The following SORBS2 variants were observed in gnomAD, a reference collection of about 807,000 sequenced individuals.
SORBS2 encodes the protein sorbin and SH3 domain-containing protein 2.
A neutral mutation model predicts 97.7 loss-of-function variants in SORBS2; 46 were observed. The observed-to-expected ratio is 0.47, with a 90% CI of 0.37 to 0.60. The LOEUF is 0.60. Among genes scored for constraint, SORBS2 ranks in the 20% least tolerant of loss-of-function variants. The probability of loss-of-function intolerance (pLI) is 0.00; values close to 1 mark genes in which losing one functional copy is unlikely to be tolerated. For synonymous variants in SORBS2, 476 were observed against 473.4 expected, an observed-to-expected ratio of 1.01 and a Z score of -0.07; for missense variants, 1,316 against 1,282.3, an observed-to-expected ratio of 1.03 and a Z score of -0.40.
At chr4:185,611,663 G>T in intron 12 of SORBS2, 117 bp downstream of exon 24, 1 of 763,360 alleles carries the variant, frequency 1.3e-6, no homozygotes, top group African/African-American at 1.7e-5. Flanking sequence ...AACATAATAT[G>T]TAAATCTCTT....
chr4:185,741,198 A>G (rs1331132206), intron 2 of SORBS2, among the ~76,000 whole-genome samples: 3 of 152,038 alleles, frequency 2.0e-5, no homozygotes, highest in Admixed American at 6.6e-5. Context: ...AACATAAGAC[A>G]GTAAAGAGGG....
intron 1 of SORBS2, among the ~76,000 whole-genome samples, chr4:185,804,157 C>T (rs933632737): frequency 2.6e-5 from 4 of 152,190 alleles, no homozygotes; most frequent in Non-Finnish European, 5.9e-5. Context: ...ACAAAAAACC[C>T]ATAACAAAAC....
rs1305077549 is a variant in SORBS2, at chr4:185,693,615, A to G, written c.-197-14793T>C. Reference sequence around the variant, plus strand: ...CGACTTCTTCATTCCTTTTGAAACCAGGCAACGCTGTGCTTACAACTGCTT... The same window carrying G: ...CGACTTCTTCATTCCTTTTGAAACCGGGCAACGCTGTGCTTACAACTGCTT... On this transcript the variant is annotated intron_variant, in intron 2 of 20. Coordinates refer to the SORBS2 transcript ENST00000284776. Among the ~76,000 whole-genome samples the G allele has an allele frequency of 3.3e-5, 5 of 152,228 alleles. No individual in the cohort carries two copies. In the South Asian group the frequency reaches 6.2e-4, roughly 19 times the overall value.
intron 13 of SORBS2, 147 bp downstream of exon 25, chr4:185,593,739 G>C (rs1241985444): frequency 1.3e-5 from 8 of 623,062 alleles, no homozygotes; most frequent in Non-Finnish European, 2.0e-5. Flanking sequence ...AAAAGATGGA[G>C]AGACTATTAC....
intron 1 of SORBS2, among the ~76,000 whole-genome samples, chr4:185,839,945 C>T (rs892150122): frequency 8.5e-5 from 13 of 152,148 alleles, no homozygotes; most frequent in African/African-American, 3.1e-4. Context: ...AGCATCCTGC[C>T]ATGTGCTTAC....
Position 185,724,889 on chromosome 4 carries a change from C to T in SORBS2, c.-197-46067G>A, listed in dbSNP as rs111474578. Among the ~76,000 whole-genome samples the T allele has an allele frequency of 3.7e-3, 570 of 152,286 alleles. 4 individuals are homozygous for T. Among genetic ancestry groups the T allele is most frequent in the African/African-American group, 0.012 (487 of 41,564 alleles). ...CTCAAAACACTTTCCTTGAGCAATGCTAAATACTAGTTTCCTTCACGTCTG... is the reference window on the plus strand; with the variant it reads ...CTCAAAACACTTTCCTTGAGCAATGTTAAATACTAGTTTCCTTCACGTCTG... On this transcript the variant is annotated intron_variant, in intron 2 of 20. Coordinates refer to the SORBS2 transcript ENST00000284776.
chr4:185,656,504 C>T (rs2097405441), intron 1 of SORBS2: 5 of 611,436 alleles, frequency 8.2e-6, no homozygotes, highest in African/African-American at 3.8e-5. Flanking sequence ...GTCTTGGCTG[C>T]CCAGGTCTGC....
chr4:185,812,720 C>T (rs1282847171), intron 1 of SORBS2, among the ~76,000 whole-genome samples: 2 of 152,158 alleles, frequency 1.3e-5, no homozygotes, highest in Non-Finnish European at 2.9e-5. Flanking sequence ...AGAATAATAA[C>T]TAAATCAGGT....
At chr4:185,849,157 C>A (rs547841462) in intron 1 of SORBS2, among the ~76,000 whole-genome samples, 3 of 152,234 alleles carry the variant, frequency 2.0e-5, no homozygotes, top group Admixed American at 2.0e-4. Context: ...CAGATTAGGG[C>A]TCCATCAGAC....
chr4:185,678,102 T>A (rs1470989246), intron 4 of SORBS2, among the ~76,000 whole-genome samples: 1 of 152,226 alleles, frequency 6.6e-6, no homozygotes, highest in African/African-American at 2.4e-5. Context: ...ATTGAATACA[T>A]AATGTATTGC....
chr4:185,660,062 G>A (rs145388722), upstream of SORBS2, among the ~76,000 whole-genome samples: 3 of 152,114 alleles, frequency 2.0e-5, no homozygotes, highest in South Asian at 4.1e-4. Context: ...ATATTCCTCC[G>A]AAACCTTATC....
intron 1 of SORBS2, among the ~76,000 whole-genome samples, chr4:185,837,899 T>C (rs561653007): frequency 9.8e-4 from 149 of 152,182 alleles, no homozygotes; most frequent in African/African-American, 3.5e-3. Flanking sequence ...GATTCTTTTG[T>C]AGGGCTGCTT....
chr4:185,871,487 T>TA (rs1158947132), intron 1 of SORBS2, among the ~76,000 whole-genome samples: 1 of 152,184 alleles, frequency 6.6e-6, no homozygotes, highest in Admixed American at 6.5e-5. Context: ...GGAATAAAAT[T>TA]CAGGGATGCT....
At chr4:185,838,004 C>T (rs1299422147) in intron 1 of SORBS2, among the ~76,000 whole-genome samples, 1 of 152,222 alleles carries the variant, frequency 6.6e-6, no homozygotes, top group East Asian at 1.9e-4. Context: ...TTCCTCTGGT[C>T]TGAAAGTCTG....
intron 1 of SORBS2, among the ~76,000 whole-genome samples, chr4:185,921,065 A>T (rs545081585): frequency 6.6e-6 from 1 of 152,190 alleles, no homozygotes; most frequent in Non-Finnish European, 1.5e-5. Context: ...TTCCTTGTCA[A>T]TTACGAGGCT....
intron 2 of SORBS2, among the ~76,000 whole-genome samples, chr4:185,741,735 A>G (rs1294980144): frequency 6.6e-6 from 1 of 152,054 alleles, no homozygotes; most frequent in East Asian, 1.9e-4. Flanking sequence ...TCTACATAAA[A>G]TAAATTAAAA....
exon 15 of SORBS2, chr4:185,587,569 G>C (rs3186): frequency 8.7e-6 from 13 of 1,500,314 alleles, no homozygotes; most frequent in Non-Finnish European, 1.2e-5. Context: ...GGTGTTTCAG[G>C]CGCGTTGACG....
chr4:185,672,407 T>C (rs1053338934), intron 4 of SORBS2, among the ~76,000 whole-genome samples: 1 of 152,196 alleles, frequency 6.6e-6, no homozygotes, highest in Non-Finnish European at 1.5e-5. Flanking sequence ...TAGAAACTGT[T>C]TGGGGGTGTA....
chr4:185,754,376 T>G (rs1053227156), intron 2 of SORBS2, among the ~76,000 whole-genome samples: 1 of 152,034 alleles, frequency 6.6e-6, no homozygotes, highest in Admixed American at 6.5e-5. Context: ...CATGAAATAA[T>G]CTGCACACAA....
Sources: gnomAD v4.1 joint callset for allele counts (sites outside exome capture counted in the v4.1 genomes callset) on GRCh38, gnomAD v4.1.1 for gene constraint, MANE v1.5 for transcripts, NCBI Gene and HGNC (gene_info 2026-07-23, HGNC 2026-07-21) for gene names.